The following KCND3 variants were observed in gnomAD, a reference collection of about 807,000 sequenced individuals.
KCND3 encodes A-type voltage-gated potassium channel KCND3.
KCND3 carries 9 observed loss-of-function variants against 51.1 expected under a neutral mutation model. The observed-to-expected ratio is 0.18, with a 90% confidence interval of 0.11 to 0.31. The LOEUF is 0.31. Ranked by LOEUF, KCND3 falls within the 10% of genes least tolerant of loss-of-function variation. The probability of loss-of-function intolerance (pLI) is 1.00; values close to 1 mark genes in which losing one functional copy is unlikely to be tolerated. For synonymous variants in KCND3, 349 were observed against 368.0 expected (o/e 0.95, Z 0.59); for missense variants, 526 against 903.8 (o/e 0.58, Z 5.36).
chr1:111,884,966 C>T (rs544502638), intron 2 of KCND3, among the ~76,000 whole-genome samples: 1 of 152,196 alleles, frequency 6.6e-6, no homozygotes, highest in South Asian at 2.1e-4. Context: ...TGGCCTCTAC[C>T]CACTAGATGC....
intron 2 of KCND3, among the ~76,000 whole-genome samples, chr1:111,843,543 G>T (rs1667420721): frequency 6.6e-6 from 1 of 152,136 alleles, no homozygotes; most frequent in Non-Finnish European, 1.5e-5. Flanking sequence ...GGGTGAGTGG[G>T]GTGTCCACTC....
At chr1:111,960,692 G>T (rs547896130) in intron 2 of KCND3, among the ~76,000 whole-genome samples, 2 of 152,230 alleles carry the variant, frequency 1.3e-5, no homozygotes, top group South Asian at 2.1e-4. Flanking sequence ...CTTGACTGAA[G>T]TGTAAACAGT....
At chr1:111,926,840 G>C (rs1467722075) in intron 2 of KCND3, among the ~76,000 whole-genome samples, 1 of 152,252 alleles carries the variant, frequency 6.6e-6, no homozygotes, top group Non-Finnish European at 1.5e-5. Flanking sequence ...ACAGCAGTTT[G>C]CTCTAATTCT....
chr1:111,826,981 T>C (rs1666607210), intron 2 of KCND3, among the ~76,000 whole-genome samples: 1 of 152,224 alleles, frequency 6.6e-6, no homozygotes, highest in African/African-American at 2.4e-5. Context: ...AAACTTATGG[T>C]TGAGCATCCC....
rs1202150668 is a variant in KCND3 at position 111,982,913 on chromosome 1, AT to A, written c.-72-116del. 3 of 778,890 alleles carry A rather than the reference AT, an allele frequency of 3.9e-6. No individual in the cohort carries two copies. The highest frequency in any genetic ancestry group is 3.5e-5 in the African/African-American group (2 of 57,838). The allele number at this position is 778,890 out of a possible 1,614,324, so 48.2% of individuals were successfully genotyped here. ...GAAACGGCCAAAGTCTCCAGGGCAG[AT>A]TAATAAAACTGAAATCCCCACCACA... On this transcript the variant is annotated intron_variant, in intron 1 of 7. Coordinates refer to ENST00000302127, the MANE Select transcript of KCND3 (RefSeq NM_001378969.1). This position sits in a 1 kb window ranked among gnomAD's most constrained non-coding sequence, Gnocchi z 8.5.
rs1265881796 is a variant in KCND3, at chr1:111,869,866, C to T, written c.1107-82760G>A. ...TTTGGGATTCATACCTGGTAAAGTC[C>T]GTACTCTGTGTGTGTGAAGCTGTTT... is the stretch of plus-strand genomic sequence containing the variant. On this transcript the variant is annotated intron_variant, in intron 2 of 7. Coordinates refer to ENST00000302127, the MANE Select transcript of KCND3 (RefSeq NM_001378969.1). 2.6e-5 allele frequency among the ~76,000 whole-genome samples: 4 copies of T among 151,936 alleles called. No homozygotes were observed. The East Asian group carries it at 7.7e-4, about 29-fold the overall frequency.
At chr1:111,838,784 C>G (rs773124740) in intron 2 of KCND3, among the ~76,000 whole-genome samples, 1 of 152,188 alleles carries the variant, frequency 6.6e-6, no homozygotes, top group Non-Finnish European at 1.5e-5. Flanking sequence ...TCTGTTGACA[C>G]TTGGGAAAAA....
intron 2 of KCND3, among the ~76,000 whole-genome samples, chr1:111,883,234 C>G (rs1669420411): frequency 6.6e-6 from 1 of 152,268 alleles, no homozygotes; most frequent in African/African-American, 2.4e-5. Flanking sequence ...TCATCCGTGA[C>G]TTCACTGAAT....
At chr1:111,905,759 T>G (rs74109726) in intron 2 of KCND3, among the ~76,000 whole-genome samples, 13,573 of 152,196 alleles carry the variant, frequency 0.089, 800 homozygotes, top group African/African-American at 0.17. Context: ...CAGAATCACC[T>G]GGGCAGTTTA....
At chr1:111,874,374 G>A (rs1333424196) in intron 2 of KCND3, among the ~76,000 whole-genome samples, 1 of 152,192 alleles carries the variant, frequency 6.6e-6, no homozygotes, top group Admixed American at 6.5e-5. Context: ...GACACCTTGG[G>A]ACTGAGTTGC....
At chr1:111,954,034 A>C in intron 2 of KCND3, among the ~76,000 whole-genome samples, 1 of 151,320 alleles carries the variant, frequency 6.6e-6, no homozygotes, top group African/African-American at 2.4e-5. Flanking sequence ...GGGGAAGTGT[A>C]CTCTCCGCCC....
At chr1:111,793,980 G>A (rs1399087930) in intron 2 of KCND3, among the ~76,000 whole-genome samples, 1 of 152,206 alleles carries the variant, frequency 6.6e-6, no homozygotes, top group African/African-American at 2.4e-5. Flanking sequence ...TGACATCCCA[G>A]GTACAGGTGA....
chr1:111,981,752 G>A lies in KCND3; in HGVS notation c.975C>T (p.Leu325=), dbSNP rs1339265475. ...KSCASELGFL[L]FSLTMAIIIF... The stretch of plus-strand genomic sequence containing the variant: ...TGATGATGGCCATGGTGAGGGAGAA[G>A]AGAAGAAAGCCCAGTTCGGAGGCAC... The change falls in exon 2 of 8, where the codon CTC becomes CTT. Residue 325 remains leucine (L), a synonymous_variant. Coordinates refer to ENST00000302127, the MANE Select transcript of KCND3 (RefSeq NM_001378969.1). This position sits in a 1 kb window ranked among gnomAD's most constrained non-coding sequence, Gnocchi z 6.2. The A allele has an allele frequency of 1.2e-6, 2 of 1,614,164 alleles. No individual in the cohort carries two copies. Among genetic ancestry groups the A allele is most frequent in the Admixed American group, 1.7e-5 (1 of 60,032 alleles).
intron 2 of KCND3, among the ~76,000 whole-genome samples, chr1:111,954,374 C>A (rs1673218532): frequency 6.6e-6 from 1 of 152,154 alleles, no homozygotes; most frequent in African/African-American, 2.4e-5. Context: ...ATAGGAGACA[C>A]CCAACTCTTA....
At chr1:111,844,431 T>C (rs941754970) in intron 2 of KCND3, among the ~76,000 whole-genome samples, 1 of 152,196 alleles carries the variant, frequency 6.6e-6, no homozygotes, top group African/African-American at 2.4e-5. Context: ...GTCTCTGTCA[T>C]TTTTCAGCTT....
chr1:111,832,334 T>C (rs1557965278), intron 2 of KCND3, among the ~76,000 whole-genome samples: 3 of 152,268 alleles, frequency 2.0e-5, no homozygotes, highest in South Asian at 2.1e-4. Context: ...TGGGTGACAA[T>C]GTGGACCAGA....
intron 2 of KCND3, among the ~76,000 whole-genome samples, chr1:111,833,417 T>C (rs2101624831): frequency 6.6e-6 from 1 of 152,338 alleles, no homozygotes; most frequent in South Asian, 2.1e-4. Context: ...ATAGGGGCAG[T>C]CAAAGGCTCA....
chr1:111,776,210 G>A lies in KCND3; in HGVS notation c.1835C>T (p.Thr612Ile). The change falls in exon 8 of 8, where the codon ACA (threonine) becomes ATA (isoleucine). Residue 612 changes from threonine to isoleucine, a missense_variant. Around this residue, in one of 5 missense-constraint regions of KCND3, gnomAD observed 266 missense variants for 305.5 expected, o/e 0.87. Transcript: ENST00000302127. ...GGGAGTGGGGATGCTGATGATGGCT[G>A]TGGTGATCTGGGATGTTTTGCAGTT... ...RPNCKTSQIT[T>I]AIISIPTPPA... 6.2e-7 allele frequency: 1 copy of A among 1,614,258 alleles called. No homozygotes were observed. Among genetic ancestry groups the A allele is most frequent in the Non-Finnish European group, 8.5e-7 (1 of 1,180,044 alleles).
At chr1:111,971,942 C>T (rs1265353017) in intron 2 of KCND3, among the ~76,000 whole-genome samples, 1 of 152,196 alleles carries the variant, frequency 6.6e-6, no homozygotes, top group Non-Finnish European at 1.5e-5. Flanking sequence ...TTATCTCTTA[C>T]CTGGCTTAAT....
Sources: allele counts gnomAD v4.1 joint callset (sites outside exome capture counted in the v4.1 genomes callset), GRCh38; gene constraint gnomAD v4.1.1; regional missense constraint gnomAD v4.1.1; non-coding constraint Gnocchi (gnomAD v3.1); transcripts MANE v1.5; gene names NCBI Gene and HGNC (gene_info 2026-07-23, HGNC 2026-07-21).